Variants in EIF2AK4 observed in about 807,000 individuals in gnomAD.
EIF2AK4 encodes eukaryotic translation initiation factor 2 alpha kinase 4.
In EIF2AK4, 139 loss-of-function variants were observed where a neutral mutation model predicts 211.1. The observed-to-expected ratio is 0.66, with a 90% CI of 0.57 to 0.76. The LOEUF (loss-of-function observed/expected upper bound fraction) is 0.76, where lower values mean the gene tolerates loss of function less well. Ranked by LOEUF, EIF2AK4 falls within the 30% of genes least tolerant of loss-of-function variation. EIF2AK4 has a pLI of 0.00. For synonymous variants in EIF2AK4, 710 were observed against 751.3 expected (o/e 0.94, Z 0.90); for missense variants, 1,664 against 2,043.8 (o/e 0.81, Z 3.58).
At chr15:40,019,232 C>T (rs201918855) in intron 30 of EIF2AK4, 32 bp downstream of exon 30, 35 of 1,468,936 alleles carry the variant, frequency 2.4e-5, no homozygotes, top group East Asian at 2.2e-4. Flanking sequence ...CAGCATACTT[C>T]GAGGTGTCTT....
At chr15:39,993,492 G>A (rs144265523) in intron 18 of EIF2AK4, among the ~76,000 whole-genome samples, 43 of 152,380 alleles carry the variant, frequency 2.8e-4, no homozygotes, top group African/African-American at 1.0e-3. Flanking sequence ...GAAAGGACAA[G>A]CCACACAGAT....
In EIF2AK4 at chr15:39,981,236, G is replaced by A. The variant is rs143715388; in HGVS notation, c.2319+3089G>A. 3.0e-3 allele frequency among the ~76,000 whole-genome samples: 458 copies of A among 152,192 alleles called. 3 individuals carry two copies. Among genetic ancestry groups the A allele is most frequent in the African/African-American group, 0.01 (430 of 41,510 alleles). ...AATACAAAAATTAGCCAGGCATGGTGGCGGGCACCTGTAATCCCAGCTACT... is the reference window on the plus strand; with the variant it reads ...AATACAAAAATTAGCCAGGCATGGTAGCGGGCACCTGTAATCCCAGCTACT... On this transcript the variant is annotated intron_variant, in intron 13 of 38. Coordinates refer to ENST00000263791, the MANE Select transcript of EIF2AK4 (RefSeq NM_001013703.4).
Position 40,034,028 on chromosome 15 carries a change from CA to C in EIF2AK4, c.4774-279del, listed in dbSNP as rs1161664208. Among the ~76,000 whole-genome samples the C allele has an allele frequency of 0.027, 1,832 of 68,974 alleles. 21 individuals are homozygous for C. The highest frequency in any genetic ancestry group is 0.05 in the East Asian group (126 of 2,526). The allele number at this position is 68,974 out of a possible 152,430, so 45.2% of individuals were successfully genotyped here. On this transcript the variant is annotated intron_variant, in intron 37 of 38. Transcript: ENST00000263791. ...GGGCAACAAGACCGAAACTCCATCT[CA>C]AAAAAAAAAAAAAAAAAAGTAAACG...
At chr15:40,014,564 T>A (rs1449974306) in intron 27 of EIF2AK4, among the ~76,000 whole-genome samples, 1 of 152,226 alleles carries the variant, frequency 6.6e-6, no homozygotes, top group Non-Finnish European at 1.5e-5. Flanking sequence ...GTCCCTAAGC[T>A]ACATAGAGGA....
rs538739786 is a variant in EIF2AK4, at chr15:40,002,488, G to A, written c.3160-225G>A. 27 of 465,140 alleles carry A rather than the reference G, an allele frequency of 5.8e-5. No homozygotes were observed. In the South Asian group the frequency reaches 9.2e-4, roughly 16 times the overall value. The allele number at this position is 465,140 out of a possible 1,614,324, so 28.8% of individuals were successfully genotyped here. A position where few individuals can be genotyped will look rare whatever the true frequency, so the allele number is the denominator to read the frequency against. ...CCAAGAATTTGGACTTTGAACCCAG[G>A]CATCCTTCCCATTGGTTGAAAGGTT... On this transcript the variant is annotated intron_variant, in intron 21 of 38. Coordinates refer to ENST00000263791, the MANE Select transcript of EIF2AK4 (RefSeq NM_001013703.4).
Position 39,965,777 on chromosome 15 carries a change from G to T in EIF2AK4, c.951G>T (p.Trp317Cys). The change falls in exon 8 of 39, where the codon TGG becomes TGT. Residue 317 changes from tryptophan (W) to cysteine (C), a missense_variant. Physicochemically the swap from Trp to Cys is radical, Grantham distance 215. Coordinates refer to ENST00000263791, the MANE Select transcript of EIF2AK4 (RefSeq NM_001013703.4). ...TGTTGTATGAGTGGGTCCTTCAGTG[G>T]CAGAAAAAAATGGGTCCATTCCTTA... ...FVLLYEWVLQWQKKMGPFLTS... is the reference protein window; with the variant it reads ...FVLLYEWVLQCQKKMGPFLTS... 1 of 1,614,046 alleles carries T rather than the reference G, an allele frequency of 6.2e-7. No homozygotes were observed. The highest frequency in any genetic ancestry group is 1.3e-5 in the African/African-American group (1 of 75,030).
intron 6 of EIF2AK4, among the ~76,000 whole-genome samples, chr15:39,956,004 CTTTTT>C (rs11320320): frequency 4.8e-5 from 5 of 103,502 alleles, no homozygotes; most frequent in Admixed American, 1.1e-4. Context: ...TGCTCATTCC[CTTTTT>C]TTTTTTTTTT....
intron 15 of EIF2AK4, among the ~76,000 whole-genome samples, chr15:39,989,801 C>T (rs1222161732): frequency 6.6e-6 from 1 of 152,074 alleles, no homozygotes; most frequent in Non-Finnish European, 1.5e-5. Context: ...GCTGGGGATG[C>T]CAAGTTGAAC....
chr15:40,002,828 A>C (rs1258753000), intron 22 of EIF2AK4, 40 bp downstream of exon 22: 1 of 1,606,874 alleles, frequency 6.2e-7, no homozygotes, highest in Admixed American at 1.7e-5. Context: ...TCTTCTCATA[A>C]GACTTTTTTC....
Position 40,032,160 on chromosome 15 carries a change from A to G in EIF2AK4, c.4660-9A>G. The G allele has an allele frequency of 1.9e-6, 3 of 1,610,164 alleles. No homozygotes were observed. Among genetic ancestry groups the G allele is most frequent in the Non-Finnish European group, 2.6e-6 (3 of 1,176,444 alleles). ...AACATGTTCTGAATTCCATTTTCTT[A>G]CTATTTAGGTACAAACTCGACTTCA... is the stretch of plus-strand genomic sequence containing the variant. On this transcript the variant is annotated splice_polypyrimidine_tract_variant and intron_variant, in intron 35 of 38. Transcript: ENST00000263791.
chr15:39,940,210 C>T (rs1192532308), intron 2 of EIF2AK4, among the ~76,000 whole-genome samples: 2 of 152,236 alleles, frequency 1.3e-5, no homozygotes, highest in East Asian at 3.8e-4. Flanking sequence ...TTTCCAGACT[C>T]CCTCTGAAGG....
In EIF2AK4 at chr15:39,978,167, T is replaced by G; in HGVS notation, c.2319+20T>G. 2 of 1,318,488 alleles carry G rather than the reference T, an allele frequency of 1.5e-6. No individual in the cohort carries two copies. The highest frequency in any genetic ancestry group is 1.5e-5 in the African/African-American group (1 of 68,892). The allele number at this position is 1,318,488 out of a possible 1,614,324, so 81.7% of individuals were successfully genotyped here. ...AATCAGGTATATATATGAATAGAAATTATATCATTTTATTCGTGATATAAT... is the reference window on the plus strand; with the variant it reads ...AATCAGGTATATATATGAATAGAAAGTATATCATTTTATTCGTGATATAAT... On this transcript the variant is annotated intron_variant, in intron 13 of 38. Transcript: ENST00000263791.
intron 23 of EIF2AK4, among the ~76,000 whole-genome samples, chr15:40,006,329 A>G (rs528620357): frequency 6.6e-6 from 1 of 152,366 alleles, no homozygotes; most frequent in East Asian, 1.9e-4. Flanking sequence ...AAAAGAATAG[A>G]AGTACAAATA....
intron 11 of EIF2AK4, chr15:39,974,160 G>A (rs569654408): frequency 6.5e-6 from 1 of 153,702 alleles, no homozygotes; most frequent in Admixed American, 6.5e-5. Flanking sequence ...CTGGGAGATG[G>A]CCCCAGCAGG....
chr15:40,032,225 T>A lies in EIF2AK4; in HGVS notation c.4716T>A (p.Ile1572=). The change falls in exon 36 of 39, where the codon ATT becomes ATA. Residue 1572 remains isoleucine (I), a synonymous_variant. Coordinates refer to ENST00000263791, the MANE Select transcript of EIF2AK4 (RefSeq NM_001013703.4). ...LANLHQKSSE[I]EILAVDLPKE... is the part of the protein sequence containing the mutation. ...ACTTACATCAGAAAAGCAGTGAAAT[T>A]GAAATTCTGGCTGTAAGTGGCTTTC... 1 of 1,614,218 alleles carries A rather than the reference T, an allele frequency of 6.2e-7. No individual in the cohort carries two copies. The highest frequency in any genetic ancestry group is 8.5e-7 in the Non-Finnish European group (1 of 1,180,004).
chr15:39,961,189 C>T (rs974447608), intron 6 of EIF2AK4, among the ~76,000 whole-genome samples: 6 of 152,190 alleles, frequency 3.9e-5, no homozygotes, highest in African/African-American at 1.4e-4. Context: ...ATGGGAATAT[C>T]TACCAAAGAC....
chr15:40,031,904 T>C (rs1448124428), intron 35 of EIF2AK4, among the ~76,000 whole-genome samples: 1 of 152,190 alleles, frequency 6.6e-6, no homozygotes, highest in Non-Finnish European at 1.5e-5. Context: ...TTTTCTATTT[T>C]CAGTAGAGAC....
intron 23 of EIF2AK4, among the ~76,000 whole-genome samples, chr15:40,004,215 A>T (rs1314482178): frequency 6.6e-6 from 1 of 152,206 alleles, no homozygotes; most frequent in Non-Finnish European, 1.5e-5. Flanking sequence ...AACTTTAAAA[A>T]TTTTGTTGCA....
At chr15:39,996,406 C>A (rs778471336) in intron 18 of EIF2AK4, among the ~76,000 whole-genome samples, 2 of 152,128 alleles carry the variant, frequency 1.3e-5, no homozygotes, top group Admixed American at 6.6e-5. Flanking sequence ...AACCAGTTAC[C>A]ATTAATTTTC....
Sources: gnomAD v4.1 joint callset for allele counts (sites outside exome capture counted in the v4.1 genomes callset) on GRCh38, gnomAD v4.1.1 for gene constraint, MANE v1.5 for transcripts, NCBI Gene and HGNC (gene_info 2026-07-23, HGNC 2026-07-21) for gene names.